ERMP1: variants seen among roughly 807,000 people sequenced by gnomAD.
The protein encoded by ERMP1 is Felix-ina.
A neutral mutation model predicts 92.0 loss-of-function variants in ERMP1; 86 were observed. That is an observed-to-expected ratio of 0.93 (90% confidence interval 0.79 to 1.12). The LOEUF (loss-of-function observed/expected upper bound fraction) is 1.12. Among genes scored for constraint, ERMP1 ranks in the 50% most tolerant of loss-of-function variants. The pLI is 0.00. For missense variants in ERMP1, 1,342 were observed against 1,116.3 expected, an observed-to-expected ratio of 1.20 and a Z score of -2.88; for synonymous variants, 530 against 412.8, an observed-to-expected ratio of 1.28 and a Z score of -3.44.
rs1828658547 is a variant in ERMP1, at chr9:5,801,201, G to A, written c.2042C>T (p.Pro681Leu). 3.1e-6 allele frequency: 5 copies of A among 1,612,608 alleles called. No individual in the cohort carries two copies. The highest frequency in any genetic ancestry group is 1.1e-5 in the South Asian group (1 of 90,682). Residue 681 changes from proline to leucine, a missense_variant, in exon 11 of 15, where the codon CCG (proline) becomes CTG (leucine). Pro to Leu is a moderately conservative substitution (Grantham distance 98, BLOSUM62 -3). Transcript: ENST00000339450. ...FFPYSSNPAN[P>L]KPKRVFLQHM... ...CTGAAGAAACACTCTCTTTGGCTTC[G>A]GATTAGCAGGATTGGAGCTATATGG...
At chr9:5,844,044 T>G (rs923381247) in intron 6 of ERMP1, among the ~76,000 whole-genome samples, 1 of 152,166 alleles carries the variant, frequency 6.6e-6, no homozygotes, top group Non-Finnish European at 1.5e-5. Flanking sequence ...TGATGGCATT[T>G]CCGGGAGAAG....
At chr9:5,848,116 G>A (rs867518244) in intron 6 of ERMP1, among the ~76,000 whole-genome samples, 1 of 152,126 alleles carries the variant, frequency 6.6e-6, no homozygotes, top group African/African-American at 2.4e-5. Flanking sequence ...CCCTCAAGAT[G>A]TCCACATCCT....
chr9:5,836,929 A>T (rs1830101679), upstream of ERMP1, among the ~76,000 whole-genome samples: 1 of 151,220 alleles, frequency 6.6e-6, no homozygotes, highest in Admixed American at 6.6e-5. Flanking sequence ...TCTACTTTTA[A>T]CCCCCCCTCA....
chr9:5,832,307 T>C (rs760734869), intron 1 of ERMP1: 15 of 187,738 alleles, frequency 8.0e-5, no homozygotes, highest in Non-Finnish European at 1.3e-4. Flanking sequence ...AGCGAATTTA[T>C]ACAACAGTCT....
intron 6 of ERMP1, among the ~76,000 whole-genome samples, chr9:5,858,689 G>A (rs1413431174): frequency 6.6e-6 from 1 of 152,192 alleles, no homozygotes; most frequent in East Asian, 1.9e-4. Flanking sequence ...GGATCCTGGG[G>A]TACTACTCAA....
At chr9:5,791,908 A>C (rs1443089668) in intron 13 of ERMP1, among the ~76,000 whole-genome samples, 1 of 152,234 alleles carries the variant, frequency 6.6e-6, no homozygotes, top group Non-Finnish European at 1.5e-5. Flanking sequence ...ATCGTGATAC[A>C]AGATGGTCAG....
chr9:5,856,281 G>C (rs1167014712), intron 6 of ERMP1: 1 of 264,910 alleles, frequency 3.8e-6, no homozygotes. Context: ...ACTGTTCTCT[G>C]TTTATTGTTT....
Position 5,842,165 on chromosome 9 carries a change from G to C in ERMP1, n.3200-8853C>G, listed in dbSNP as rs556448091. Among the ~76,000 whole-genome samples, 32 of 152,306 alleles carry C rather than the reference G, an allele frequency of 2.1e-4. 1 individual carries two copies. The South Asian group carries it at 6.6e-3, about 32-fold the overall frequency. On this transcript the variant is annotated intron_variant and non_coding_transcript_variant, in intron 6 of 6. Transcript: ENST00000690753. ...GGACTGGAGCAGGTTGCAGCTGCTG[G>C]CTGGGGTGGCCAGCTTTTATTCCCT...
intron 6 of ERMP1, among the ~76,000 whole-genome samples, chr9:5,844,955 G>C (rs935046478): frequency 6.6e-6 from 1 of 152,132 alleles, no homozygotes; most frequent in Non-Finnish European, 1.5e-5. Flanking sequence ...CAGAGGGCAG[G>C]ATGTGTCCTG....
At position 5,838,918 on chromosome 9, in the gene ERMP1, T is replaced by C. The variant is rs373965391; in HGVS notation, n.3200-5606A>G. ...GGTTATCTCTGGGTGATTTTCCCCC[T>C]CTATTCATTTCTCTACTTTCCACCA... On this transcript the variant is annotated intron_variant and non_coding_transcript_variant, in intron 6 of 6. Coordinates refer to the ERMP1 transcript ENST00000690753. Among the ~76,000 whole-genome samples the C allele has an allele frequency of 3.9e-5, 6 of 152,290 alleles. No homozygotes were observed. The East Asian group carries it at 5.8e-4, about 15-fold the overall frequency.
chr9:5,827,376 G>GA (rs905619290), intron 2 of ERMP1, among the ~76,000 whole-genome samples: 14 of 150,496 alleles, frequency 9.3e-5, no homozygotes, highest in South Asian at 4.2e-4. Flanking sequence ...AATAAAAATT[G>GA]AAAAAAAAAT....
At chr9:5,825,454 C>A (rs1429355553) in intron 2 of ERMP1, among the ~76,000 whole-genome samples, 1 of 152,132 alleles carries the variant, frequency 6.6e-6, no homozygotes, top group Non-Finnish European at 1.5e-5. Flanking sequence ...CATGCCTGAC[C>A]CACCAGAGTC....
intron 6 of ERMP1, among the ~76,000 whole-genome samples, chr9:5,842,434 C>CAAAA (rs57411750): frequency 5.2e-4 from 56 of 107,280 alleles, no homozygotes; most frequent in East Asian, 1.3e-3. Context: ...GAGACTGTCT[C>CAAAA]AAAAAAAAAA....
rs564615320 is a variant in ERMP1, at chr9:5,823,423, T to A, written c.874+473A>T. On this transcript the variant is annotated intron_variant, in intron 4 of 14. Coordinates refer to ENST00000339450, the MANE Select transcript of ERMP1 (RefSeq NM_024896.3). ...TTTAACTCATGAAATGATTGACATT[T>A]AACAATATTTATATCATAACCACCC... 1.2e-3 allele frequency among the ~76,000 whole-genome samples: 177 copies of A among 152,306 alleles called. 2 individuals are homozygous for A. The highest frequency in any genetic ancestry group is 6.6e-4 in the Non-Finnish European group (45 of 68,024).
chr9:5,800,416 T>C (rs1163737002), intron 11 of ERMP1, among the ~76,000 whole-genome samples: 6 of 152,316 alleles, frequency 3.9e-5, no homozygotes, highest in Middle Eastern at 3.4e-3. Flanking sequence ...GGCTCACACC[T>C]GTAATCCCAA....
upstream of ERMP1, among the ~76,000 whole-genome samples, chr9:5,836,981 T>C (rs1421755494): frequency 1.3e-5 from 2 of 152,158 alleles, no homozygotes; most frequent in Non-Finnish European, 2.9e-5. Flanking sequence ...TCCCTGTATC[T>C]AGGTAGGCAC....
At position 5,812,146 on chromosome 9, in the gene ERMP1, T is replaced by C. The variant is rs1159552214; in HGVS notation, c.1093A>G (p.Thr365Ala). The C allele has an allele frequency of 1.2e-6, 2 of 1,608,610 alleles. No individual in the cohort carries two copies. Among genetic ancestry groups the C allele is most frequent in the African/African-American group, 1.3e-5 (1 of 74,862 alleles). The change falls in exon 6 of 15, where the codon ACA (threonine) becomes GCA (alanine). Residue 365 changes from threonine (T) to alanine (A), a missense_variant. By Grantham distance (58) the Thr-to-Ala change is moderately conservative. Coordinates refer to ENST00000339450, the MANE Select transcript of ERMP1 (RefSeq NM_024896.3). ...TKYDTADRIL[T>A]DSIQRAGDNI... Reference sequence around the variant, plus strand: ...CAACCTGCTCTCTGAATGGAATCTGTTAGAATTCTGTCCGCTGTGTCATAC... The same window carrying C: ...CAACCTGCTCTCTGAATGGAATCTGCTAGAATTCTGTCCGCTGTGTCATAC...
intron 4 of ERMP1, among the ~76,000 whole-genome samples, chr9:5,813,583 T>G (rs1185753694): frequency 6.6e-6 from 1 of 152,110 alleles, no homozygotes; most frequent in African/African-American, 2.4e-5. Context: ...TCAGAAATGC[T>G]CCAATGAACA....
upstream of ERMP1, among the ~76,000 whole-genome samples, chr9:5,837,956 G>A (rs1358306340): frequency 1.3e-5 from 2 of 152,010 alleles, no homozygotes; most frequent in African/African-American, 4.8e-5. Context: ...TATTAGCTGA[G>A]TGTGGTGGCA....
Sources: gnomAD v4.1 joint callset for allele counts (sites outside exome capture counted in the v4.1 genomes callset) on GRCh38, gnomAD v4.1.1 for gene constraint, MANE v1.5 for transcripts, NCBI Gene and HGNC (gene_info 2026-07-23, HGNC 2026-07-21) for gene names.